Variants in DPY19L2 observed in about 807,000 individuals in gnomAD.
DPY19L2 encodes the protein dpy-19 like 2, also known as probable C-mannosyltransferase DPY19L2.
A neutral mutation model predicts 97.9 loss-of-function variants in DPY19L2; 34 were observed. The observed-to-expected ratio is 0.35, with a 90% CI of 0.26 to 0.46. The LOEUF is 0.46. DPY19L2 is among the 20% of genes least tolerant of loss of function. DPY19L2 has a pLI of 1.00. For missense variants in DPY19L2, 623 were observed against 911.4 expected, an observed-to-expected ratio of 0.68 and a Z score of 4.07; for synonymous variants, 230 against 307.9, an observed-to-expected ratio of 0.75 and a Z score of 2.65.
intron 16 of DPY19L2, among the ~76,000 whole-genome samples, chr12:63,589,048 T>C (rs566554728): frequency 4.6e-5 from 7 of 152,026 alleles, no homozygotes; most frequent in East Asian, 3.9e-4. Context: ...CCACCGCGCC[T>C]GGCCAAGGAA....
intron 6 of DPY19L2, among the ~76,000 whole-genome samples, chr12:63,632,050 T>C (rs1162962979): frequency 2.0e-5 from 3 of 152,142 alleles, no homozygotes; most frequent in African/African-American, 7.2e-5. Flanking sequence ...AATTAGGTAT[T>C]GATGGGACAT....
At chr12:63,627,436 G>A (rs1211864821) in intron 6 of DPY19L2, among the ~76,000 whole-genome samples, 1 of 152,028 alleles carries the variant, frequency 6.6e-6, no homozygotes, top group Admixed American at 6.6e-5. Flanking sequence ...TGCAACCTCT[G>A]CCTCCCTGGT....
At chr12:63,658,600 T>C (rs993319162) in intron 4 of DPY19L2, among the ~76,000 whole-genome samples, 6 of 152,170 alleles carry the variant, frequency 3.9e-5, no homozygotes, top group East Asian at 1.9e-4. Context: ...GCCTTTTCCA[T>C]AGAAACCCCA....
At chr12:63,666,519 G>A in intron 1 of DPY19L2, 1 of 446,214 alleles carries the variant, frequency 2.2e-6, no homozygotes, top group Non-Finnish European at 4.5e-6. Flanking sequence ...AGCTGCAAAC[G>A]CAGCCTGTGC....
At chr12:63,564,777 T>C (rs1190481261) in intron 21 of DPY19L2, among the ~76,000 whole-genome samples, 1 of 152,176 alleles carries the variant, frequency 6.6e-6, no homozygotes, top group Non-Finnish European at 1.5e-5. Context: ...TCCATATTCT[T>C]GCCAAATTTC....
At chr12:63,568,318 C>T in intron 21 of DPY19L2, among the ~76,000 whole-genome samples, 1 of 151,994 alleles carries the variant, frequency 6.6e-6, no homozygotes, top group Admixed American at 6.6e-5. Context: ...TACTTTTCAG[C>T]TCTAGAATTT....
chr12:63,645,802 T>G (rs1893331257), intron 5 of DPY19L2, among the ~76,000 whole-genome samples: 1 of 152,154 alleles, frequency 6.6e-6, no homozygotes, highest in Admixed American at 6.5e-5. Context: ...AATTGTCTCC[T>G]ACCTGGCCTC....
chr12:63,560,298 T>C lies in DPY19L2; in HGVS notation c.*214A>G. The C allele has an allele frequency of 2.2e-6, 1 of 463,138 alleles. No individual in the cohort carries two copies. The highest frequency in any genetic ancestry group is 3.6e-5 in the East Asian group (1 of 27,414). The allele number at this position is 463,138 out of a possible 1,614,324, so 28.7% of individuals were successfully genotyped here. A position where few individuals can be genotyped will look rare whatever the true frequency, so the allele number is the denominator to read the frequency against. Reference sequence around the variant, plus strand: ...TGTTTATGCAGTATGACATGAATGATTTAATAACTTATATGACAAGCTTAA... The same window carrying C: ...TGTTTATGCAGTATGACATGAATGACTTAATAACTTATATGACAAGCTTAA... On this transcript the variant is annotated 3_prime_UTR_variant, in exon 22 of 22. Coordinates refer to ENST00000324472, the MANE Select transcript of DPY19L2 (RefSeq NM_173812.5).
At chr12:63,587,839 G>A (rs1488039165) in intron 16 of DPY19L2, among the ~76,000 whole-genome samples, 4 of 151,986 alleles carry the variant, frequency 2.6e-5, no homozygotes. Context: ...CCAAAGTGCT[G>A]GGATTATAGG....
intron 6 of DPY19L2, among the ~76,000 whole-genome samples, chr12:63,631,902 A>G (rs11175081): frequency 0.69 from 105,419 of 151,980 alleles, 37,151 homozygotes; most frequent in African/African-American, 0.8. Flanking sequence ...ATGCAAGGCT[A>G]GTTCAACATA....
At chr12:63,568,072 C>T (rs1448276794) in intron 21 of DPY19L2, among the ~76,000 whole-genome samples, 15 of 151,854 alleles carry the variant, frequency 9.9e-5, no homozygotes, top group East Asian at 1.9e-4. Flanking sequence ...AATATTTTTT[C>T]GGTAATGTTC....
At chr12:63,598,026 A>C in intron 13 of DPY19L2, 116 bp from the exon 14 acceptor site, 1 of 744,372 alleles carries the variant, frequency 1.3e-6, no homozygotes, top group Non-Finnish European at 2.0e-6. Flanking sequence ...AATCCAATAT[A>C]TTTAGACATC....
chr12:63,605,872 G>A (rs2137623108), intron 12 of DPY19L2, among the ~76,000 whole-genome samples: 1 of 152,238 alleles, frequency 6.6e-6, no homozygotes, highest in Admixed American at 6.5e-5. Flanking sequence ...CAATCTTGCT[G>A]AAATTGCTTT....
rs577161717 is a variant in DPY19L2, at chr12:63,630,913, T to G, written c.804-4387A>C. ...AAACTAGAACTCAGGATTAATAAAC[T>G]CACTCAAAACTGCTCAACAACATGG... On this transcript the variant is annotated intron_variant, in intron 6 of 21. Transcript: ENST00000324472. Among the ~76,000 whole-genome samples the G allele has an allele frequency of 3.3e-5, 5 of 152,212 alleles. No individual in the cohort carries two copies. In the East Asian group the frequency reaches 9.6e-4, roughly 29 times the overall value.
At chr12:63,632,920 A>G (rs1219074049) in intron 6 of DPY19L2, among the ~76,000 whole-genome samples, 1 of 152,150 alleles carries the variant, frequency 6.6e-6, no homozygotes, top group Non-Finnish European at 1.5e-5. Context: ...GCATATCTAC[A>G]ACCATCTGAT....
rs1190655402 is a variant in DPY19L2 at position 63,629,742 on chromosome 12, G to A, written c.804-3216C>T. ...GCCACAAAGATACTCCTCGAGAAGAGCAACTCCAAGACACATAATTGTCAG... is the reference window on the plus strand; with the variant it reads ...GCCACAAAGATACTCCTCGAGAAGAACAACTCCAAGACACATAATTGTCAG... On this transcript the variant is annotated intron_variant, in intron 6 of 21. Transcript: ENST00000324472. 3.9e-5 allele frequency among the ~76,000 whole-genome samples: 6 copies of A among 152,168 alleles called. 1 individual carries two copies. Among genetic ancestry groups the A allele is most frequent in the African/African-American group, 1.4e-4 (6 of 41,516 alleles).
chr12:63,587,720 G>GCACA (rs1882050128), intron 16 of DPY19L2, among the ~76,000 whole-genome samples: 1 of 151,840 alleles, frequency 6.6e-6, no homozygotes, highest in Admixed American at 6.6e-5. Flanking sequence ...TTACAGGTGT[G>GCACA]TGCCACCACA....
At chr12:63,598,179 G>A (rs1000060454) in intron 13 of DPY19L2, among the ~76,000 whole-genome samples, 3 of 151,968 alleles carry the variant, frequency 2.0e-5, no homozygotes, top group Non-Finnish European at 4.4e-5. Context: ...TAAAGAGTGA[G>A]CTAAAATCAA....
At chr12:63,567,647 G>A (rs1164496089) in intron 21 of DPY19L2, among the ~76,000 whole-genome samples, 2 of 151,952 alleles carry the variant, frequency 1.3e-5, no homozygotes, top group East Asian at 1.9e-4. Flanking sequence ...GTTACCATCT[G>A]GCATCATTTC....
Sources: allele counts gnomAD v4.1 joint callset (sites outside exome capture counted in the v4.1 genomes callset), GRCh38; gene constraint gnomAD v4.1.1; transcripts MANE v1.5; gene names NCBI Gene and HGNC (gene_info 2026-07-23, HGNC 2026-07-21).